CASP8: variants seen among roughly 807,000 people sequenced by gnomAD.
CASP8 encodes the protein caspase 8.
In CASP8, 24 loss-of-function variants were observed where a neutral mutation model predicts 46.3. The observed-to-expected ratio is 0.52, with a 90% CI of 0.38 to 0.73. The LOEUF is 0.73. CASP8 is among the 30% of genes least tolerant of loss of function. CASP8 has a pLI of 0.00. For missense variants in CASP8, 460 were observed against 559.0 expected (o/e 0.82, Z 1.79); for synonymous variants, 188 against 200.4 (o/e 0.94, Z 0.52).
rs1559350828 is a variant in CASP8 at position 201,266,804 on chromosome 2, TC to T, written c.305+16del. 3 of 1,604,294 alleles carry T rather than the reference TC, an allele frequency of 1.9e-6. No individual in the cohort carries two copies. Among genetic ancestry groups the T allele is most frequent in the Non-Finnish European group, 2.6e-6 (3 of 1,172,834 alleles). On this transcript the variant is annotated intron_variant, in intron 2 of 8. Coordinates refer to ENST00000673742, the MANE Select transcript of CASP8 (RefSeq NM_001372051.1). This position sits in a 1 kb window ranked among gnomAD's most constrained non-coding sequence, Gnocchi z 5.7. ...TTTCTGCCTACAGGTGGGTGGAAAC[TC>T]CCATTGTGGGACTGGGAGGTGTGGG...
At chr2:201,270,852 G>A (rs1378710839) in intron 2 of CASP8, among the ~76,000 whole-genome samples, 1 of 152,182 alleles carries the variant, frequency 6.6e-6, no homozygotes, top group Non-Finnish European at 1.5e-5. Flanking sequence ...AATTATGTGT[G>A]TTATCGTTTT....
intron 1 of CASP8, among the ~76,000 whole-genome samples, chr2:201,263,721 TA>T (rs1294945677): frequency 6.6e-6 from 1 of 152,220 alleles, no homozygotes; most frequent in Non-Finnish European, 1.5e-5. Context: ...GATGAGACTT[TA>T]ACAGAGGTTA....
chr2:201,264,053 CT>C (rs1344260623), intron 1 of CASP8, among the ~76,000 whole-genome samples: 1 of 152,168 alleles, frequency 6.6e-6, no homozygotes, highest in Non-Finnish European at 1.5e-5. Flanking sequence ...TGTCAGAGCT[CT>C]TCTGTGAATA....
rs35655821 is a variant in CASP8, at chr2:201,269,695, A to T, written c.306-1821A>T. On this transcript the variant is annotated intron_variant, in intron 2 of 8. Transcript: ENST00000673742. ...CTTACTGCTTGTTCATTATCATTGAATACTAGCCAGAAGCTAATAAATATG... is the reference window on the plus strand; with the variant it reads ...CTTACTGCTTGTTCATTATCATTGATTACTAGCCAGAAGCTAATAAATATG... 14 of 858,230 alleles carry T rather than the reference A, an allele frequency of 1.6e-5. No homozygotes were observed. In the South Asian group the frequency reaches 1.7e-4, roughly 10 times the overall value. The allele number at this position is 858,230 out of a possible 1,614,324, so 53.2% of individuals were successfully genotyped here.
At chr2:201,258,707 C>T (rs3769821), upstream of CASP8, among the ~76,000 whole-genome samples, 87,224 of 151,986 alleles carry the variant, frequency 0.57, 26,078 homozygotes, top group East Asian at 0.7. Flanking sequence ...TTTATCAATC[C>T]ACTTTTTTTT....
In CASP8 at chr2:201,286,810, A is replaced by G. The variant is rs1012226259; in HGVS notation, c.*216A>G. On this transcript the variant is annotated 3_prime_UTR_variant, in exon 9 of 9. Coordinates refer to ENST00000673742, the MANE Select transcript of CASP8 (RefSeq NM_001372051.1). ...TTTTAAAAATATTTTTAGTAGAGAC[A>G]GGGTTTCACTGTGTTAGCCAGGGTG... 4.5e-6 allele frequency: 2 copies of G among 447,696 alleles called. No homozygotes were observed. Among genetic ancestry groups the G allele is most frequent in the Non-Finnish European group, 8.3e-6 (2 of 241,636 alleles). 27.7% of individuals were successfully genotyped at this position (447,696 alleles called of 1,614,324 possible).
At chr2:201,256,306 C>T (rs796958787), upstream of CASP8, among the ~76,000 whole-genome samples, 44 of 152,308 alleles carry the variant, frequency 2.9e-4, no homozygotes, top group African/African-American at 9.6e-4. Context: ...ACTGACTGAG[C>T]GTGGCCAAGT....
chr2:201,265,698 C>A (rs772774047), intron 1 of CASP8, among the ~76,000 whole-genome samples: 1 of 152,132 alleles, frequency 6.6e-6, no homozygotes, highest in African/African-American at 2.4e-5. Context: ...TGACATGGTA[C>A]CTGGCTAGAG....
At chr2:201,252,201 T>A (rs531879371) in intron 2 of CASP8, among the ~76,000 whole-genome samples, 1 of 152,214 alleles carries the variant, frequency 6.6e-6, no homozygotes, top group Admixed American at 6.5e-5. Flanking sequence ...CACTTTTCAA[T>A]TGGGTTGTTT....
Position 201,286,808 on chromosome 2 carries a change from A to T in CASP8, c.*214A>T, listed in dbSNP as rs545110539. On this transcript the variant is annotated 3_prime_UTR_variant, in exon 9 of 9. Transcript: ENST00000673742. ...TTTTTTAAAAATATTTTTAGTAGAG[A>T]CAGGGTTTCACTGTGTTAGCCAGGG... The T allele has an allele frequency of 2.2e-6, 1 of 447,634 alleles. No homozygotes were observed. Among genetic ancestry groups the T allele is most frequent in the South Asian group, 2.0e-5 (1 of 48,792 alleles). The allele number at this position is 447,634 out of a possible 1,614,324, so 27.7% of individuals were successfully genotyped here. A position where few individuals can be genotyped will look rare whatever the true frequency, so the allele number is the denominator to read the frequency against.
rs192250552 is a variant in CASP8, at chr2:201,266,310, C to G, written c.-26-151C>G. ...TTGTTTGTATGTCTACCTTCCTAAA[C>G]AGTAAGAGGGAACTTGTCTGGTGTT... On this transcript the variant is annotated intron_variant, in intron 1 of 8. Coordinates refer to ENST00000673742, the MANE Select transcript of CASP8 (RefSeq NM_001372051.1). This position sits in a 1 kb window ranked among gnomAD's most constrained non-coding sequence, Gnocchi z 5.7. The G allele has an allele frequency of 1.5e-6, 1 of 662,538 alleles. No homozygotes were observed. Among genetic ancestry groups the G allele is most frequent in the East Asian group, 2.7e-5 (1 of 36,812 alleles). The allele number at this position is 662,538 out of a possible 1,614,324, so 41.0% of individuals were successfully genotyped here.
intron 7 of CASP8, among the ~76,000 whole-genome samples, chr2:201,283,028 G>T: frequency 1.5e-5 from 1 of 68,932 alleles, no homozygotes; most frequent in African/African-American, 4.4e-5. Context: ...GGACGGGGCG[G>T]CTGGCCGGGC....
At chr2:201,242,673 T>C (rs1946352023) in intron 2 of CASP8, 1 of 152,172 alleles carries the variant, frequency 6.6e-6, no homozygotes, top group South Asian at 2.1e-4. Context: ...ATGGATTTTT[T>C]TTTTACAGAA....
Position 201,286,620 on chromosome 2 carries a change from T to G in CASP8, c.*26T>G, listed in dbSNP as rs1040111363. On this transcript the variant is annotated 3_prime_UTR_variant, in exon 9 of 9. Coordinates refer to ENST00000673742, the MANE Select transcript of CASP8 (RefSeq NM_001372051.1). ...TGGTGCTATTTTGTTTGTTTTGTTT[T>G]GTTTTGTTTTTTTGAGACAGAATCT... The G allele has an allele frequency of 2.5e-6, 4 of 1,607,180 alleles. No homozygotes were observed. The highest frequency in any genetic ancestry group is 8.5e-7 in the Non-Finnish European group (1 of 1,175,100).
At chr2:201,253,973 C>T (rs1024095996) in intron 2 of CASP8, among the ~76,000 whole-genome samples, 4 of 151,624 alleles carry the variant, frequency 2.6e-5, no homozygotes, top group Non-Finnish European at 4.4e-5. Context: ...CCCAGCTACT[C>T]GGGAGGCTGA....
chr2:201,268,581 A>T (rs888239317), intron 2 of CASP8, among the ~76,000 whole-genome samples: 1 of 152,128 alleles, frequency 6.6e-6, no homozygotes. Context: ...TATTCTGGGT[A>T]TATAAGTTTC....
intron 2 of CASP8, among the ~76,000 whole-genome samples, chr2:201,255,403 T>C (rs565240626): frequency 6.6e-6 from 1 of 152,140 alleles, no homozygotes. Flanking sequence ...GTCATATATA[T>C]ATACACACAC....
chr2:201,277,019 T>C (rs768031120), intron 7 of CASP8, 51 bp downstream of exon 7: 8 of 1,365,918 alleles, frequency 5.9e-6, no homozygotes, highest in Non-Finnish European at 7.3e-6. Context: ...TGCCTATTTT[T>C]TTTTAAATCA....
chr2:201,268,311 G>T (rs978190670), intron 2 of CASP8, among the ~76,000 whole-genome samples: 3 of 152,130 alleles, frequency 2.0e-5, no homozygotes, highest in Non-Finnish European at 4.4e-5. Context: ...AGCACTTTGG[G>T]ATGCTGAGGA....
Sources: gnomAD v4.1 joint callset for allele counts (sites outside exome capture counted in the v4.1 genomes callset) on GRCh38, gnomAD v4.1.1 for gene constraint, Gnocchi (gnomAD v3.1) non-coding constraint, MANE v1.5 for transcripts, NCBI Gene and HGNC (gene_info 2026-07-23, HGNC 2026-07-21) for gene names.